The following SERINC2 variants were observed in gnomAD, a reference collection of about 807,000 sequenced individuals.
SERINC2 encodes the protein serine incorporator 2, also known as tumor differentially expressed protein 2.
A neutral mutation model predicts 54.2 loss-of-function variants in SERINC2; 56 were observed. That is an observed-to-expected ratio of 1.03 (90% CI 0.83 to 1.29). The LOEUF (loss-of-function observed/expected upper bound fraction) is 1.29. Among genes scored for constraint, SERINC2 ranks in the 50% most tolerant of loss-of-function variants. The probability of loss-of-function intolerance (pLI) is 0.00; values close to 1 mark genes in which losing one functional copy is unlikely to be tolerated. For synonymous variants in SERINC2, 272 were observed against 253.1 expected, an observed-to-expected ratio of 1.07 and a Z score of -0.71; for missense variants, 614 against 607.4, an observed-to-expected ratio of 1.01 and a Z score of -0.12.
At chr1:31,431,966 A>ATAGGGTGGTTAGGGTGGTTAGGGTGGT (rs1641252491) in intron 8 of SERINC2, among the ~76,000 whole-genome samples, 1 of 104,988 alleles carries the variant, frequency 9.5e-6, no homozygotes, top group African/African-American at 3.5e-5. Context: ...GTTAGGGTGG[A>ATAGGGTGGTTAGGGTGGTTAGGGTGGT]TAGGGTGGAT....
At position 31,413,287 on chromosome 1, in the gene SERINC2, T is replaced by G; in HGVS notation, c.22T>G (p.Cys8Gly). The stretch of plus-strand genomic sequence containing the variant: ...CGCCATGGGGGCCTGCCTGGGAGCC[T>G]GCTCCCTGCTCAGCTGCGTGAGTCC... MGACLGA[C>G]SLLSCASCLC... The change falls in exon 1 of 10, where the codon TGC becomes GGC. Residue 8 changes from cysteine to glycine, a missense_variant. Transcript: ENST00000373709. The surrounding 1 kb of genome is among the most constrained non-coding windows in gnomAD (Gnocchi z 5.0). The G allele has an allele frequency of 7.9e-7, 1 of 1,268,544 alleles. No individual in the cohort carries two copies. The highest frequency in any genetic ancestry group is 2.9e-5 in the South Asian group (1 of 34,856). The allele number at this position is 1,268,544 out of a possible 1,614,324, so 78.6% of individuals were successfully genotyped here. A position where few individuals can be genotyped will look rare whatever the true frequency, so the allele number is the denominator to read the frequency against.
At chr1:31,422,652 G>A (rs1325252436) in intron 1 of SERINC2, among the ~76,000 whole-genome samples, 2 of 152,208 alleles carry the variant, frequency 1.3e-5, no homozygotes, top group African/African-American at 4.8e-5. Context: ...CAAGGCCTAT[G>A]TCTGTTGCTC....
chr1:31,424,332 T>C (rs1553133189), intron 2 of SERINC2, among the ~76,000 whole-genome samples: 1 of 152,202 alleles, frequency 6.6e-6, no homozygotes, highest in African/African-American at 2.4e-5. Flanking sequence ...GGCCACAGAA[T>C]CTCTGTTTTC....
In SERINC2 at chr1:31,425,913, G is replaced by C. The variant is rs782755256; in HGVS notation, c.610G>C (p.Gly204Arg). ...EECDSRAWYAGLFFFTLLFYL... is the reference protein window; with the variant it reads ...EECDSRAWYARLFFFTLLFYL... ...GTGCGATTCCCGTGCCTGGTACGCAGGTCAGTGCTGCCACCCTGCCTCCGT... is the reference window on the plus strand; with the variant it reads ...GTGCGATTCCCGTGCCTGGTACGCACGTCAGTGCTGCCACCCTGCCTCCGT... The change falls in exon 5 of 10, where the codon GGC becomes CGC. Residue 204 changes from glycine (G) to arginine (R), a missense_variant and splice_region_variant. Physicochemically the swap from Gly to Arg is moderately radical, Grantham distance 125. Coordinates refer to ENST00000373709, the MANE Select transcript of SERINC2 (RefSeq NM_178865.5). 4 of 1,610,534 alleles carry C rather than the reference G, an allele frequency of 2.5e-6. No individual in the cohort carries two copies. The highest frequency in any genetic ancestry group is 3.4e-6 in the Non-Finnish European group (4 of 1,179,500).
At position 31,424,846 on chromosome 1, in the gene SERINC2, G is replaced by A. The variant is rs781828705; in HGVS notation, c.365G>A (p.Arg122Gln). Reference sequence around the variant, plus strand: ...CTCATGCTCTGCGTGAGCAGCAGCCGGGACCCCCGGGCTGCCATCCAGAAT... The same window carrying A: ...CTCATGCTCTGCGTGAGCAGCAGCCAGGACCCCCGGGCTGCCATCCAGAAT... ...TLLMLCVSSS[R>Q]DPRAAIQNGF... Residue 122 changes from arginine (R) to glutamine (Q), a missense_variant, in exon 3 of 10, where the codon CGG becomes CAG. Arg to Gln is a conservative substitution (Grantham distance 43). Transcript: ENST00000373709. 1.2e-5 allele frequency: 19 copies of A among 1,611,474 alleles called. No individual in the cohort carries two copies. Among genetic ancestry groups the A allele is most frequent in the South Asian group, 7.7e-5 (7 of 90,854 alleles).
chr1:31,432,079 G>GTGGATAGGA (rs1641278050), intron 8 of SERINC2, among the ~76,000 whole-genome samples: 3 of 104,962 alleles, frequency 2.9e-5, no homozygotes, highest in Admixed American at 9.4e-5. Context: ...GGTGGACAGG[G>GTGGATAGGA]TGGTTAGGGT....
chr1:31,415,945 A>G, intron 1 of SERINC2: 1 of 983,892 alleles, frequency 1.0e-6, no homozygotes, highest in Non-Finnish European at 1.2e-6. Context: ...AGATGGGTCC[A>G]CAGGGGATGG....
At chr1:31,421,093 G>A (rs551843499) in intron 1 of SERINC2, among the ~76,000 whole-genome samples, 25 of 152,290 alleles carry the variant, frequency 1.6e-4, no homozygotes, top group Middle Eastern at 6.8e-3. Flanking sequence ...AAGCATTACC[G>A]CCTGAGCTCC....
At chr1:31,417,115 G>T (rs1172996296) in intron 1 of SERINC2, among the ~76,000 whole-genome samples, 1 of 152,124 alleles carries the variant, frequency 6.6e-6, no homozygotes, top group Non-Finnish European at 1.5e-5. Context: ...TTGTCAGAAG[G>T]AGTAGTGCCA....
intron 1 of SERINC2, chr1:31,415,971 C>G: frequency 1.1e-6 from 1 of 938,716 alleles, no homozygotes; most frequent in Non-Finnish European, 1.3e-6. Context: ...CCAGGCAAGC[C>G]GCCGGCACAT....
At chr1:31,423,552 G>C in intron 1 of SERINC2, 141 bp from the exon 2 acceptor site, 1 of 868,492 alleles carries the variant, frequency 1.2e-6, no homozygotes, top group Non-Finnish European at 1.7e-6. Context: ...TCTCGGACCT[G>C]AAAGTTCAAT....
At position 31,425,313 on chromosome 1, in the gene SERINC2, C is replaced by T. The variant is rs201590205; in HGVS notation, c.393-17C>T. On this transcript the variant is annotated splice_polypyrimidine_tract_variant and intron_variant, in intron 3 of 9. Transcript: ENST00000373709. Reference sequence around the variant, plus strand: ...CTGCACTCAGCTTCCTTGTCCATTCCCCGACCCCTTCTGTAGGTTTTGGTT... The same window carrying T: ...CTGCACTCAGCTTCCTTGTCCATTCTCCGACCCCTTCTGTAGGTTTTGGTT... 4.6e-5 allele frequency: 74 copies of T among 1,595,598 alleles called. No homozygotes were observed. The highest frequency in any genetic ancestry group is 6.1e-5 in the Non-Finnish European group (71 of 1,162,834).
chr1:31,433,960 GC>G (rs1391053353), intron 9 of SERINC2, 103 bp from the exon 10 acceptor site: 1 of 1,191,256 alleles, frequency 8.4e-7, no homozygotes, highest in African/African-American at 1.5e-5. Context: ...CAGGGTAAGA[GC>G]CAGAGTTGAA....
Position 31,432,111 on chromosome 1 carries a change from TAGGGTGGTTAGGGTGGATAGGGTGGAC to T in SERINC2, c.1014-848_1014-822del, listed in dbSNP as rs1557501339. Among the ~76,000 whole-genome samples the T allele has an allele frequency of 2.4e-3, 25 of 10,630 alleles. 2 individuals carry two copies. Among genetic ancestry groups the T allele is most frequent in the South Asian group, 6.8e-3 (2 of 294 alleles). 7.0% of individuals were successfully genotyped at this position (10,630 alleles called of 152,430 possible). On this transcript the variant is annotated intron_variant, in intron 8 of 9. Transcript: ENST00000373709. Reference sequence around the variant, plus strand: ...GGGTGGACAGGGTGGACAGGGTGGATAGGGTGGTTAGGGTGGATAGGGTGGACAGGGTGGACAGGGTGGACAGGGTGG... The same window carrying T: ...GGGTGGACAGGGTGGACAGGGTGGATAGGGTGGACAGGGTGGACAGGGTGG...
intron 1 of SERINC2, among the ~76,000 whole-genome samples, chr1:31,419,284 T>C (rs1640850613): frequency 6.6e-6 from 1 of 152,196 alleles, no homozygotes; most frequent in African/African-American, 2.4e-5. Flanking sequence ...TGTCCCCAGG[T>C]GTTAGACATT....
At position 31,423,990 on chromosome 1, in the gene SERINC2, G is replaced by A. The variant is rs1640967425; in HGVS notation, c.201+136G>A. On this transcript the variant is annotated intron_variant, in intron 2 of 9. Coordinates refer to ENST00000373709, the MANE Select transcript of SERINC2 (RefSeq NM_178865.5). ...TTGGGTGCACTGATGATCTGAGGTT[G>A]GAAATGAGGGGAGGAGGGCTTGAGC... 4 of 768,302 alleles carry A rather than the reference G, an allele frequency of 5.2e-6. No individual in the cohort carries two copies. In the East Asian group the frequency reaches 1.0e-4, roughly 20 times the overall value. The allele number at this position is 768,302 out of a possible 1,614,324, so 47.6% of individuals were successfully genotyped here.
rs782331416 is a variant in SERINC2, at chr1:31,425,775, G to A, written c.473-1G>A. 7.4e-6 allele frequency: 12 copies of A among 1,612,620 alleles called. No homozygotes were observed. The East Asian group carries it at 2.5e-4, about 33-fold the overall frequency. Reference sequence around the variant, plus strand: ...CGCCTCACTCCCCTCTCCCCACCCAGTCTGGTTCTACTTCGGCGTCGTGGG... The same window carrying A: ...CGCCTCACTCCCCTCTCCCCACCCAATCTGGTTCTACTTCGGCGTCGTGGG... On this transcript the variant is annotated splice_acceptor_variant, in intron 4 of 9. Transcript: ENST00000373709. LOFTEE classifies it high-confidence loss of function.
chr1:31,432,955 C>T lies in SERINC2; in HGVS notation c.1014-12C>T. On this transcript the variant is annotated splice_polypyrimidine_tract_variant and intron_variant, in intron 8 of 9. Coordinates refer to ENST00000373709, the MANE Select transcript of SERINC2 (RefSeq NM_178865.5). The stretch of plus-strand genomic sequence containing the variant: ...AGCTATCTATTTGCCCACCTTCCTC[C>T]CTCCCCTGCAGTCTGCGCTCCTCAG... 1.3e-6 allele frequency: 2 copies of T among 1,598,270 alleles called. No individual in the cohort carries two copies. Among genetic ancestry groups the T allele is most frequent in the Non-Finnish European group, 1.7e-6 (2 of 1,172,388 alleles).
chr1:31,411,465 G>A (rs1206879165), upstream of SERINC2, among the ~76,000 whole-genome samples: 1 of 152,184 alleles, frequency 6.6e-6, no homozygotes, highest in Non-Finnish European at 1.5e-5. Flanking sequence ...CGACTTCTCA[G>A]GGCTGTTGTG....
Sources: gnomAD v4.1 joint callset for allele counts (sites outside exome capture counted in the v4.1 genomes callset) on GRCh38, gnomAD v4.1.1 for gene constraint, Gnocchi (gnomAD v3.1) non-coding constraint, MANE v1.5 for transcripts, NCBI Gene and HGNC (gene_info 2026-07-23, HGNC 2026-07-21) for gene names.